SV2C: variants seen among roughly 807,000 people sequenced by gnomAD.
SV2C encodes synaptic vesicle glycoprotein 2C.
In SV2C, 49 loss-of-function variants were observed where a neutral mutation model predicts 79.7. That is an observed-to-expected ratio of 0.61 (90% CI 0.49 to 0.78). The LOEUF is 0.78. Among genes scored for constraint, SV2C ranks in the 30% least tolerant of loss-of-function variants. The pLI is 0.00. For synonymous variants in SV2C, 334 were observed against 333.2 expected (o/e 1.00, Z -0.03); for missense variants, 833 against 912.9 (o/e 0.91, Z 1.13).
intron 2 of SV2C, among the ~76,000 whole-genome samples, chr5:76,187,228 C>A (rs1743950230): frequency 6.6e-6 from 1 of 152,182 alleles, no homozygotes; most frequent in South Asian, 2.1e-4. Flanking sequence ...GCATGCTGTA[C>A]AACAGCCATT....
the SV2C span, among the ~76,000 whole-genome samples, chr5:76,052,532 G>A: frequency 6.6e-6 from 1 of 152,088 alleles, no homozygotes; most frequent in Non-Finnish European, 1.5e-5. Flanking sequence ...GACTACCAGG[G>A]ACTTGGGACC....
the SV2C span, among the ~76,000 whole-genome samples, chr5:75,901,046 C>T: frequency 3.3e-5 from 5 of 152,154 alleles, no homozygotes; most frequent in East Asian, 1.9e-4. Context: ...TCCTGTAGCT[C>T]GGAGTAGTTT....
rs1346740497 is a variant in SV2C at position 76,183,034 on chromosome 5, T to C, written c.581-11885T>C. Reference sequence around the variant, plus strand: ...CACATCTCATGAGAACCTACCATTTTTTTTTTTTTTTTTTTTTTTGAGACA... The same window carrying C: ...CACATCTCATGAGAACCTACCATTTCTTTTTTTTTTTTTTTTTTTGAGACA... On this transcript the variant is annotated intron_variant, in intron 2 of 12. Transcript: ENST00000502798. 9.6e-4 allele frequency among the ~76,000 whole-genome samples: 134 copies of C among 139,408 alleles called. 3 individuals carry two copies. The highest frequency in any genetic ancestry group is 3.9e-3 in the South Asian group (16 of 4,102). The allele number at this position is 139,408 out of a possible 152,430, so 91.5% of individuals were successfully genotyped here. A position where few individuals can be genotyped will look rare whatever the true frequency, so the allele number is the denominator to read the frequency against.
chr5:75,850,417 TA>T, the SV2C span, among the ~76,000 whole-genome samples: 3 of 152,242 alleles, frequency 2.0e-5, no homozygotes, highest in African/African-American at 2.4e-5. Flanking sequence ...ATTAGGATTT[TA>T]AGCTTTGAAA....
At chr5:76,030,242 A>T in the SV2C span, among the ~76,000 whole-genome samples, 1 of 142,566 alleles carries the variant, frequency 7.0e-6, no homozygotes, top group Non-Finnish European at 1.5e-5. Context: ...TTCCTACAAG[A>T]CAGAATGCTT....
chr5:76,194,836 A>G (rs535627996), intron 2 of SV2C, 83 bp from the exon 3 acceptor site: 1 of 1,505,558 alleles, frequency 6.6e-7, no homozygotes, highest in Non-Finnish European at 9.0e-7. Context: ...GCTGGAATGT[A>G]TTTTGTTCCT....
At chr5:75,915,080 A>C in the SV2C span, among the ~76,000 whole-genome samples, 2 of 152,202 alleles carry the variant, frequency 1.3e-5, no homozygotes, top group South Asian at 4.1e-4. Flanking sequence ...TCCCCCCATG[A>C]TTCAATTACC....
intron 4 of SV2C, among the ~76,000 whole-genome samples, chr5:76,250,252 A>G (rs1219072433): frequency 2.0e-5 from 3 of 152,178 alleles, no homozygotes; most frequent in Non-Finnish European, 4.4e-5. Context: ...GGTAAATTAA[A>G]TAAAATACCT....
At chr5:76,301,623 A>G (rs1748004645) in intron 12 of SV2C, 78 bp downstream of exon 12, 8 of 1,505,366 alleles carry the variant, frequency 5.3e-6, no homozygotes, top group South Asian at 2.5e-5. Context: ...AAACAACCCA[A>G]ACTGGCTGGG....
intron 3 of SV2C, among the ~76,000 whole-genome samples, chr5:76,198,868 G>A (rs574530311): frequency 2.6e-5 from 4 of 152,238 alleles, no homozygotes; most frequent in Middle Eastern, 3.4e-3. Context: ...ACCATGCAAG[G>A]ACTTTCATGG....
At chr5:76,169,526 A>G (rs1743149740) in intron 2 of SV2C, among the ~76,000 whole-genome samples, 2 of 152,210 alleles carry the variant, frequency 1.3e-5, no homozygotes, top group Admixed American at 6.5e-5. Flanking sequence ...TACTGGATCA[A>G]AGAAGATAGC....
chr5:75,908,885 T>C, the SV2C span, among the ~76,000 whole-genome samples: 1 of 152,158 alleles, frequency 6.6e-6, no homozygotes, highest in Non-Finnish European at 1.5e-5. Flanking sequence ...TAAACTCTTA[T>C]GTAGTTGCCT....
At chr5:75,955,946 T>A in the SV2C span, among the ~76,000 whole-genome samples, 8 of 151,940 alleles carry the variant, frequency 5.3e-5, no homozygotes, top group East Asian at 1.4e-3. Context: ...ACACTGTTGG[T>A]GGGACTGTAA....
chr5:76,183,904 TAAG>T (rs1743828089), intron 2 of SV2C, among the ~76,000 whole-genome samples: 1 of 152,198 alleles, frequency 6.6e-6, no homozygotes, highest in African/African-American at 2.4e-5. Flanking sequence ...TAGAACTAAT[TAAG>T]TAGTCTTTCC....
In SV2C at chr5:76,195,046, A is replaced by G; in HGVS notation, c.708A>G (p.Ser236=). The part of the protein sequence containing the change: ...SVNGFFAFLS[S]FVQGYGFFLF... ...ACGGATTCTTTGCCTTCCTTTCTTC[A>G]TTTGTCCAAGGTTATGGCTTCTTTC... The change falls in exon 3 of 13, where the codon TCA becomes TCG. Residue 236 remains serine, a synonymous_variant. Coordinates refer to ENST00000502798, the MANE Select transcript of SV2C (RefSeq NM_014979.4). 2 of 1,613,918 alleles carry G rather than the reference A, an allele frequency of 1.2e-6. No homozygotes were observed. The highest frequency in any genetic ancestry group is 1.7e-6 in the Non-Finnish European group (2 of 1,179,928).
chr5:75,868,871 T>A, the SV2C span, among the ~76,000 whole-genome samples: 1 of 152,202 alleles, frequency 6.6e-6, no homozygotes, highest in South Asian at 2.1e-4. Flanking sequence ...CAAGAAGCTT[T>A]CCCTGGTTCC....
intron 1 of SV2C, among the ~76,000 whole-genome samples, chr5:76,114,526 T>C (rs1748200366): frequency 6.6e-6 from 1 of 152,240 alleles, no homozygotes; most frequent in Non-Finnish European, 1.5e-5. Flanking sequence ...GTTATCAGTG[T>C]AATAGGAATG....
At chr5:76,036,170 C>T in the SV2C span, among the ~76,000 whole-genome samples, 1 of 151,924 alleles carries the variant, frequency 6.6e-6, no homozygotes, top group African/African-American at 2.4e-5. Context: ...CTGAATACAG[C>T]ACACTGATGG....
At chr5:76,213,322 C>T (rs1744822713) in intron 4 of SV2C, among the ~76,000 whole-genome samples, 1 of 152,132 alleles carries the variant, frequency 6.6e-6, no homozygotes, top group African/African-American at 2.4e-5. Context: ...TTTTTAAAAT[C>T]CTGTGCTGAG....
Sources: allele counts gnomAD v4.1 joint callset (sites outside exome capture counted in the v4.1 genomes callset), GRCh38; gene constraint gnomAD v4.1.1; transcripts MANE v1.5; gene names NCBI Gene and HGNC (gene_info 2026-07-23, HGNC 2026-07-21).